The following BOLL variants were observed in gnomAD, a reference collection of about 807,000 sequenced individuals.
BOLL encodes the protein boule RNA binding protein.
Under a neutral mutation model 44.4 loss-of-function variants are expected in BOLL, and 23 were observed. The ratio of observed to expected loss-of-function variants is 0.52; its 90% CI spans 0.37 to 0.73. The LOEUF (loss-of-function observed/expected upper bound fraction) is 0.73, where lower values mean the gene tolerates loss of function less well. Ranked by LOEUF, BOLL falls within the 30% of genes least tolerant of loss-of-function variation. BOLL has a pLI of 0.00. For synonymous variants in BOLL, 97 were observed against 110.8 expected, an observed-to-expected ratio of 0.88 and a Z score of 0.78; for missense variants, 287 against 338.3, an observed-to-expected ratio of 0.85 and a Z score of 1.19.
intron 1 of BOLL, among the ~76,000 whole-genome samples, chr2:197,783,265 G>A (rs1689888621): frequency 6.6e-6 from 1 of 151,818 alleles, no homozygotes; most frequent in Non-Finnish European, 1.5e-5. Flanking sequence ...GACCAGCCTG[G>A]GCAACAAAGA....
At chr2:197,738,194 A>G (rs1187933255) in intron 10 of BOLL, among the ~76,000 whole-genome samples, 3 of 152,096 alleles carry the variant, frequency 2.0e-5, no homozygotes, top group Admixed American at 1.3e-4. Flanking sequence ...CAGTGGGATA[A>G]TTTTGACATT....
At chr2:197,786,158 G>T (rs1690064928), upstream of BOLL, 1 of 1,174,724 alleles carries the variant, frequency 8.5e-7, no homozygotes, top group Non-Finnish European at 1.1e-6. This position sits in a 1 kb window ranked among gnomAD's most constrained non-coding sequence, Gnocchi z 5.9. Flanking sequence ...AGCAGGCTCG[G>T]ACCCCGGCCC....
At chr2:197,751,942 C>G (rs1355651152) in intron 9 of BOLL, among the ~76,000 whole-genome samples, 1 of 152,088 alleles carries the variant, frequency 6.6e-6, no homozygotes, top group Non-Finnish European at 1.5e-5. Context: ...CATCAAAAAT[C>G]TTATTCAGCA....
rs1268025215 is a variant in BOLL, at chr2:197,776,155, C to CT, written c.277-416dup. Among the ~76,000 whole-genome samples the CT allele has an allele frequency of 7.9e-5, 12 of 152,002 alleles. No individual in the cohort carries two copies. The East Asian group carries it at 2.1e-3, about 27-fold the overall frequency. ...TTCTTCTTGTTCCAGTGCTCATACT[C>CT]TAAGAGAGAGCTTTCTATTTAGTGC... On this transcript the variant is annotated intron_variant, in intron 4 of 10. Coordinates refer to ENST00000392296, the MANE Select transcript of BOLL (RefSeq NM_033030.6).
intron 9 of BOLL, among the ~76,000 whole-genome samples, chr2:197,752,963 C>A (rs1688332243): frequency 6.6e-6 from 1 of 152,114 alleles, no homozygotes; most frequent in South Asian, 2.1e-4. Flanking sequence ...GATATATAGA[C>A]CAATGGAACA....
intron 7 of BOLL, among the ~76,000 whole-genome samples, chr2:197,763,946 A>G (rs1688872610): frequency 6.6e-6 from 1 of 152,244 alleles, no homozygotes; most frequent in African/African-American, 2.4e-5. Flanking sequence ...AAAATGATCA[A>G]CATCACTAAT....
At chr2:197,741,571 C>T (rs1687734128) in intron 10 of BOLL, among the ~76,000 whole-genome samples, 1 of 152,162 alleles carries the variant, frequency 6.6e-6, no homozygotes, top group Admixed American at 6.5e-5. Context: ...AAAGGATCCC[C>T]TATTTAATAA....
intron 1 of BOLL, 126 bp from the exon 2 acceptor site, chr2:197,781,991 T>C: frequency 1.5e-6 from 1 of 671,928 alleles, no homozygotes; most frequent in East Asian, 3.3e-5. Context: ...TTCTAGGCTT[T>C]ACTTTTAATA....
chr2:197,756,993 T>A (rs1358193721), intron 8 of BOLL, among the ~76,000 whole-genome samples: 1 of 152,112 alleles, frequency 6.6e-6, no homozygotes, highest in Non-Finnish European at 1.5e-5. Context: ...AATACTTATT[T>A]AGGAACAGAA....
chr2:197,779,310 A>G (rs1217086371), intron 2 of BOLL, among the ~76,000 whole-genome samples: 2 of 152,040 alleles, frequency 1.3e-5, no homozygotes, highest in African/African-American at 2.4e-5. Flanking sequence ...TTTTAAAACT[A>G]CAAAACTCAC....
At chr2:197,774,250 A>G (rs1689406001) in intron 5 of BOLL, 1 of 186,630 alleles carries the variant, frequency 5.4e-6, no homozygotes, top group African/African-American at 2.4e-5. Context: ...ATTATGGAAC[A>G]GAATGCAAAT....
intron 9 of BOLL, among the ~76,000 whole-genome samples, chr2:197,751,278 G>A (rs1462664617): frequency 6.6e-6 from 1 of 151,924 alleles, no homozygotes; most frequent in Non-Finnish European, 1.5e-5. Context: ...GCTAGCAGAA[G>A]ACAAGAAATA....
At chr2:197,781,220 C>G (rs752458925) in intron 2 of BOLL, among the ~76,000 whole-genome samples, 1 of 151,804 alleles carries the variant, frequency 6.6e-6, no homozygotes, top group Non-Finnish European at 1.5e-5. Context: ...TTTTGGTGAT[C>G]AAATCCTAAA....
intron 10 of BOLL, among the ~76,000 whole-genome samples, chr2:197,729,317 C>A (rs925177847): frequency 2.6e-5 from 4 of 152,196 alleles, no homozygotes; most frequent in Admixed American, 2.6e-4. Context: ...GGGTCCTACG[C>A]CCACGGAGTC....
chr2:197,756,469 C>A lies in BOLL; in HGVS notation c.688G>T (p.Val230Phe). 6.2e-7 allele frequency: 1 copy of A among 1,612,158 alleles called. No homozygotes were observed. The highest frequency in any genetic ancestry group is 8.5e-7 in the Non-Finnish European group (1 of 1,178,784). The change falls in exon 9 of 11, where the codon GTT becomes TTT. Residue 230 changes from valine (V) to phenylalanine (F), a missense_variant. By Grantham distance (50) the Val-to-Phe change is conservative (BLOSUM62 -1). Coordinates refer to ENST00000392296, the MANE Select transcript of BOLL (RefSeq NM_033030.6). ...PVEIAQDGGC[V>F]PPPLSLMETS... ...TCCATCAGAGACAGTGGAGGAGGAA[C>A]ACATCCACCATCCTGTGCAATTTCC... is the stretch of plus-strand genomic sequence containing the variant.
At chr2:197,749,449 G>T (rs190383908) in intron 9 of BOLL, among the ~76,000 whole-genome samples, 1 of 152,000 alleles carries the variant, frequency 6.6e-6, no homozygotes, top group Non-Finnish European at 1.5e-5. Flanking sequence ...AGCTAAAGGC[G>T]CATGTTCTAA....
intron 2 of BOLL, among the ~76,000 whole-genome samples, chr2:197,780,636 G>A (rs1369566550): frequency 2.0e-5 from 3 of 151,898 alleles, no homozygotes; most frequent in Middle Eastern, 3.4e-3. Context: ...TCATATACTT[G>A]TTTAAGACTC....
At position 197,767,280 on chromosome 2, in the gene BOLL, G is replaced by A. The variant is rs371835003; in HGVS notation, c.481-677C>T. Among the ~76,000 whole-genome samples, 16 of 151,936 alleles carry A rather than the reference G, an allele frequency of 1.1e-4. 1 individual carries two copies. The highest frequency in any genetic ancestry group is 3.6e-4 in the African/African-American group (15 of 41,498). On this transcript the variant is annotated intron_variant, in intron 6 of 10. Transcript: ENST00000392296. ...GTTGTATTGCAAGATAGTAAAACTGGCTCTAATGTAGCAATTAAAATTCAG... is the reference window on the plus strand; with the variant it reads ...GTTGTATTGCAAGATAGTAAAACTGACTCTAATGTAGCAATTAAAATTCAG...
chr2:197,783,320 T>C (rs1689890552), intron 1 of BOLL, among the ~76,000 whole-genome samples: 1 of 152,102 alleles, frequency 6.6e-6, no homozygotes, highest in African/African-American at 2.4e-5. Context: ...AACAAAAGCT[T>C]GAAGTTCATA....
Sources: gnomAD v4.1 joint callset for allele counts (sites outside exome capture counted in the v4.1 genomes callset) on GRCh38, gnomAD v4.1.1 for gene constraint, Gnocchi (gnomAD v3.1) non-coding constraint, MANE v1.5 for transcripts, NCBI Gene and HGNC (gene_info 2026-07-23, HGNC 2026-07-21) for gene names.